The following NFKBIB variants were observed in gnomAD, a reference collection of about 807,000 sequenced individuals.
The protein encoded by NFKBIB is NF-kappa-B inhibitor beta.
In NFKBIB, 16 loss-of-function variants were observed where a neutral mutation model predicts 32.1. The observed-to-expected ratio is 0.50, with a 90% confidence interval of 0.34 to 0.76. The LOEUF (loss-of-function observed/expected upper bound fraction) is 0.76, where lower values mean the gene tolerates loss of function less well. NFKBIB is among the 30% of genes least tolerant of loss of function. The pLI is 0.01. For synonymous variants in NFKBIB, 222 were observed against 219.5 expected, an observed-to-expected ratio of 1.01 and a Z score of -0.10; for missense variants, 437 against 514.9, an observed-to-expected ratio of 0.85 and a Z score of 1.46.
Position 38,905,232 on chromosome 19 carries a change from G to C in NFKBIB, c.316G>C (p.Glu106Gln). Reference sequence around the variant, plus strand: ...CCTGCACCTGGCAGCCATCCTGGGGGAGACATCCACGGTGGAGAAGCTGTA... The same window carrying C: ...CCTGCACCTGGCAGCCATCCTGGGGCAGACATCCACGGTGGAGAAGCTGTA... Reference protein sequence around the residue: ...TALHLAAILGETSTVEKLYAA... With the variant: ...TALHLAAILGQTSTVEKLYAA... Residue 106 changes from glutamate (E) to glutamine (Q), a missense_variant, in exon 3 of 6, where the codon GAG becomes CAG. Glu to Gln is a conservative substitution (Grantham distance 29, BLOSUM62 2). Coordinates refer to ENST00000313582, the MANE Select transcript of NFKBIB (RefSeq NM_002503.5). This position sits in a 1 kb window ranked among gnomAD's most constrained non-coding sequence, Gnocchi z 5.5. 3 of 1,590,102 alleles carry C rather than the reference G, an allele frequency of 1.9e-6. No individual in the cohort carries two copies. Among genetic ancestry groups the C allele is most frequent in the Non-Finnish European group, 2.6e-6 (3 of 1,168,160 alleles).
At position 38,905,630 on chromosome 19, in the gene NFKBIB, G is replaced by C. The variant is rs1974096487; in HGVS notation, c.619+95G>C. Reference sequence around the variant, plus strand: ...TCCCTGATTTGAGACTGAGCTCCTTGGGAAATCATGCCTAGGCTTCAGGAG... The same window carrying C: ...TCCCTGATTTGAGACTGAGCTCCTTCGGAAATCATGCCTAGGCTTCAGGAG... On this transcript the variant is annotated intron_variant, in intron 3 of 5. Transcript: ENST00000313582. This position sits in a 1 kb window ranked among gnomAD's most constrained non-coding sequence, Gnocchi z 5.5. 2 of 988,192 alleles carry C rather than the reference G, an allele frequency of 2.0e-6. No homozygotes were observed. Among genetic ancestry groups the C allele is most frequent in the Non-Finnish European group, 1.5e-6 (1 of 669,932 alleles). 61.2% of individuals were successfully genotyped at this position (988,192 alleles called of 1,614,324 possible).
chr19:38,900,343 A>C, intron 1 of NFKBIB, 132 bp downstream of exon 1: 1 of 984,970 alleles, frequency 1.0e-6, no homozygotes, highest in Non-Finnish European at 1.4e-6. Context: ...CCTGACCTCT[A>C]ACCCCCGAGT....
At chr19:38,908,117 C>T (rs549542118) in intron 5 of NFKBIB, 20 of 1,009,068 alleles carry the variant, frequency 2.0e-5, no homozygotes, top group African/African-American at 8.6e-5. Flanking sequence ...TTGGGCAAGG[C>T]GCGGTGCTGG....
At position 38,900,038 on chromosome 19, in the gene NFKBIB, T is replaced by A; in HGVS notation, c.6T>A (p.Ala2=). 1 of 1,479,872 alleles carries A rather than the reference T, an allele frequency of 6.8e-7. No individual in the cohort carries two copies. The highest frequency in any genetic ancestry group is 9.0e-7 in the Non-Finnish European group (1 of 1,116,876). The allele number at this position is 1,479,872 out of a possible 1,614,324, so 91.7% of individuals were successfully genotyped here. A position where few individuals can be genotyped will look rare whatever the true frequency, so the allele number is the denominator to read the frequency against. Residue 2 remains alanine, a synonymous_variant, in exon 1 of 6, where the codon GCT becomes GCA. Transcript: ENST00000313582. ...CCCCTGAGGCGGCGGGGGCCATGGC[T>A]GGGGTCGCGTGCTTGGGAAAAGCTG... M[A]GVACLGKAAD...
In NFKBIB at chr19:38,905,011, C is replaced by T. The variant is rs778056635; in HGVS notation, c.180-4C>T. 1 of 1,613,960 alleles carries T rather than the reference C, an allele frequency of 6.2e-7. No homozygotes were observed. Among genetic ancestry groups the T allele is most frequent in the East Asian group, 2.2e-5 (1 of 44,886 alleles). On this transcript the variant is annotated splice_polypyrimidine_tract_variant and splice_region_variant and intron_variant, in intron 1 of 5. Coordinates refer to ENST00000313582, the MANE Select transcript of NFKBIB (RefSeq NM_002503.5). This position sits in a 1 kb window ranked among gnomAD's most constrained non-coding sequence, Gnocchi z 5.5. Reference sequence around the variant, plus strand: ...TGCCCTCTCACCCCGGTCTTTGTCCCCAGGGCACTGCACTTGGCTGTGATT... The same window carrying T: ...TGCCCTCTCACCCCGGTCTTTGTCCTCAGGGCACTGCACTTGGCTGTGATT...
rs757009990 is a variant in NFKBIB at position 38,905,426 on chromosome 19, C to T, written c.510C>T (p.Pro170=). Residue 170 remains proline, a synonymous_variant, in exon 3 of 6, where the codon CCC becomes CCT. Transcript: ENST00000313582. The surrounding 1 kb of genome is among the most constrained non-coding windows in gnomAD (Gnocchi z 5.5). ...TYLAQGPDRT[P]DTNHTPVALY... is the part of the protein sequence containing the mutation. ...TCGCTCAGGGCCCTGACCGTACTCC[C>T]GACACCAACCATACCCCTGTCGCCT... The T allele has an allele frequency of 5.4e-5, 87 of 1,613,838 alleles. No individual in the cohort carries two copies. Among genetic ancestry groups the T allele is most frequent in the Non-Finnish European group, 6.9e-5 (82 of 1,179,970 alleles).
intron 3 of NFKBIB, among the ~76,000 whole-genome samples, chr19:38,906,786 G>A (rs1367680645): frequency 6.6e-6 from 1 of 152,072 alleles, no homozygotes; most frequent in Non-Finnish European, 1.5e-5. Flanking sequence ...TTTATTTTTA[G>A]TAGAGACGTC....
chr19:38,904,942 G>C (rs185355535), intron 1 of NFKBIB, 73 bp from the exon 2 acceptor site: 30 of 1,410,328 alleles, frequency 2.1e-5, no homozygotes, highest in Admixed American at 3.5e-5. Context: ...TACAGTAGGC[G>C]CCCCATGTTT....
At chr19:38,908,540 A>T in intron 5 of NFKBIB, 191 bp from the exon 6 acceptor site, 2 of 591,386 alleles carry the variant, frequency 3.4e-6, no homozygotes, top group African/African-American at 4.5e-5. Context: ...CTCCATCTTA[A>T]AAAAAAAAAA....
chr19:38,899,847 T>G (rs1432032139), upstream of NFKBIB: 2 of 722,648 alleles, frequency 2.8e-6, no homozygotes, highest in African/African-American at 3.6e-5. Flanking sequence ...AGAGTTGTAG[T>G]CCTCCCGAAT....
At chr19:38,908,663 T>A in intron 5 of NFKBIB, 68 bp from the exon 6 acceptor site, 3 of 1,526,030 alleles carry the variant, frequency 2.0e-6, no homozygotes, top group Non-Finnish European at 2.6e-6. Context: ...GGGTGCTCTA[T>A]GAGGACATGG....
Position 38,907,593 on chromosome 19 carries a change from C to T in NFKBIB, c.903C>T (p.Pro301=), listed in dbSNP as rs766304605. Residue 301 remains proline (P), a synonymous_variant, in exon 5 of 6, where the codon CCC becomes CCT. Coordinates refer to ENST00000313582, the MANE Select transcript of NFKBIB (RefSeq NM_002503.5). ...TCCGTGCACACGGAGCCCCTGAGCC[C>T]GAGGGCGAGGACGAGAAATCCGGCC... ...RLLRAHGAPE[P]EGEDEKSGPC... 29 of 1,611,976 alleles carry T rather than the reference C, an allele frequency of 1.8e-5. No homozygotes were observed. The highest frequency in any genetic ancestry group is 2.2e-5 in the Non-Finnish European group (26 of 1,179,508).
chr19:38,907,325 G>C lies in NFKBIB; in HGVS notation c.708+16G>C. 1.2e-6 allele frequency: 2 copies of C among 1,608,934 alleles called. No homozygotes were observed. Among genetic ancestry groups the C allele is most frequent in the Non-Finnish European group, 8.5e-7 (1 of 1,176,174 alleles). Reference sequence around the variant, plus strand: ...TGACAAACCGGTGAGCCCCAACCTCGGGGAAGATGCCGTCGGCGGGAGGGG... The same window carrying C: ...TGACAAACCGGTGAGCCCCAACCTCCGGGAAGATGCCGTCGGCGGGAGGGG... On this transcript the variant is annotated intron_variant, in intron 4 of 5. Transcript: ENST00000313582.
In NFKBIB at chr19:38,905,900, C is replaced by T. The variant is rs1302288259; in HGVS notation, c.619+365C>T. 6.6e-6 allele frequency among the ~76,000 whole-genome samples: 1 copy of T among 152,106 alleles called. No homozygotes were observed. The highest frequency in any genetic ancestry group is 1.5e-5 in the Non-Finnish European group (1 of 68,020). On this transcript the variant is annotated intron_variant, in intron 3 of 5. Transcript: ENST00000313582. The surrounding 1 kb of genome is among the most constrained non-coding windows in gnomAD (Gnocchi z 5.5). Reference sequence around the variant, plus strand: ...GCTCAGGCCCTCTGTGAAACTCTGGCACCCCAGGCTCCCAGCAATGGGCAG... The same window carrying T: ...GCTCAGGCCCTCTGTGAAACTCTGGTACCCCAGGCTCCCAGCAATGGGCAG...
rs746214449 is a variant in NFKBIB, at chr19:38,908,822, G to A, written c.1061G>A (p.Arg354His). ...TCAAAACCTCTTCCTGACGACCCCCGCCCCGTGTGATTTGTTTCATTGTTA... is the reference window on the plus strand; with the variant it reads ...TCAAAACCTCTTCCTGACGACCCCCACCCCGTGTGATTTGTTTCATTGTTA... Reference protein sequence around the residue: ...PASKPLPDDPRPV With the variant: ...PASKPLPDDPHPV Residue 354 changes from arginine to histidine, a missense_variant, in exon 6 of 6, where the codon CGC becomes CAC. Transcript: ENST00000313582. The A allele has an allele frequency of 3.0e-5, 49 of 1,609,816 alleles. No homozygotes were observed. The highest frequency in any genetic ancestry group is 1.1e-4 in the African/African-American group (8 of 74,552).
rs748226384 is a variant in NFKBIB, at chr19:38,907,272, G to A, written c.671G>A (p.Arg224Gln). 3.9e-5 allele frequency: 63 copies of A among 1,613,582 alleles called. No individual in the cohort carries two copies. Among genetic ancestry groups the A allele is most frequent in the Non-Finnish European group, 4.8e-5 (57 of 1,179,782 alleles). ...ATCCACAAAGATGTGGAGATGGTCC[G>A]GCTGCTCCGAGATGCTGGAGCTGAC... ...AVIHKDVEMV[R>Q]LLRDAGADLD... Residue 224 changes from arginine (R) to glutamine (Q), a missense_variant, in exon 4 of 6, where the codon CGG becomes CAG. Arg to Gln is a conservative substitution (Grantham distance 43). Coordinates refer to ENST00000313582, the MANE Select transcript of NFKBIB (RefSeq NM_002503.5).
In NFKBIB at chr19:38,907,270, C is replaced by T. The variant is rs768922226; in HGVS notation, c.669C>T (p.Val223=). Residue 223 remains valine (V), a synonymous_variant, in exon 4 of 6, where the codon GTC becomes GTT. Coordinates refer to ENST00000313582, the MANE Select transcript of NFKBIB (RefSeq NM_002503.5). ...VAVIHKDVEM[V]RLLRDAGADL... Reference sequence around the variant, plus strand: ...TTATCCACAAAGATGTGGAGATGGTCCGGCTGCTCCGAGATGCTGGAGCTG... The same window carrying T: ...TTATCCACAAAGATGTGGAGATGGTTCGGCTGCTCCGAGATGCTGGAGCTG... 6.2e-7 allele frequency: 1 copy of T among 1,613,690 alleles called. No homozygotes were observed. Among genetic ancestry groups the T allele is most frequent in the Non-Finnish European group, 8.5e-7 (1 of 1,179,770 alleles).
At position 38,907,732 on chromosome 19, in the gene NFKBIB, G is replaced by T. The variant is rs772579196; in HGVS notation, c.969+73G>T. On this transcript the variant is annotated intron_variant, in intron 5 of 5. Coordinates refer to ENST00000313582, the MANE Select transcript of NFKBIB (RefSeq NM_002503.5). ...GACCGGCAGGCAAGAAGCCCAAGAA[G>T]ATAATTAGGCACCGACCTTGGGCTG... 4 of 1,483,268 alleles carry T rather than the reference G, an allele frequency of 2.7e-6. 1 individual carries two copies. In the South Asian group the frequency reaches 5.3e-5, roughly 20 times the overall value. The allele number at this position is 1,483,268 out of a possible 1,614,324, so 91.9% of individuals were successfully genotyped here.
At chr19:38,904,552 C>T (rs1302170453) in intron 1 of NFKBIB, among the ~76,000 whole-genome samples, 8 of 152,130 alleles carry the variant, frequency 5.3e-5, no homozygotes, top group Admixed American at 5.2e-4. Flanking sequence ...CATCTCCTGA[C>T]CTCAGACAAC....
Sources: gnomAD v4.1 joint callset for allele counts (sites outside exome capture counted in the v4.1 genomes callset) on GRCh38, gnomAD v4.1.1 for gene constraint, Gnocchi (gnomAD v3.1) non-coding constraint, MANE v1.5 for transcripts, NCBI Gene and HGNC (gene_info 2026-07-23, HGNC 2026-07-21) for gene names.